The following DYRK1A variants were observed in gnomAD, a reference collection of about 807,000 sequenced individuals.
DYRK1A encodes dual specificity tyrosine-phosphorylation-regulated kinase 1A.
A neutral mutation model predicts 79.7 loss-of-function variants in DYRK1A; 9 were observed. The observed-to-expected ratio is 0.11, with a 90% CI of 0.07 to 0.20. DYRK1A has a LOEUF of 0.20. Among genes scored for constraint, DYRK1A ranks in the 10% least tolerant of loss-of-function variants. The pLI is 1.00. For synonymous variants in DYRK1A, 349 were observed against 329.7 expected, an observed-to-expected ratio of 1.06 and a Z score of -0.63; for missense variants, 622 against 956.0, an observed-to-expected ratio of 0.65 and a Z score of 4.61.
chr21:37,490,671 G>A (rs1269955272), intron 7 of DYRK1A, among the ~76,000 whole-genome samples: 1 of 151,354 alleles, frequency 6.6e-6, no homozygotes, highest in African/African-American at 2.4e-5. Flanking sequence ...GCAATTACAG[G>A]ATGCTTATTT....
At chr21:37,426,505 G>A (rs1414267745) in intron 2 of DYRK1A, among the ~76,000 whole-genome samples, 3 of 151,998 alleles carry the variant, frequency 2.0e-5, no homozygotes, top group Non-Finnish European at 2.9e-5. Flanking sequence ...TCTGAATAAG[G>A]AAAAATCAGA....
At chr21:37,487,646 TA>T (rs1464010038) in intron 6 of DYRK1A, 1 of 152,182 alleles carries the variant, frequency 6.6e-6, no homozygotes, top group Non-Finnish European at 1.5e-5. Flanking sequence ...AAGAAAACGT[TA>T]TGATTCTTTG....
At chr21:37,511,671 A>G (rs1051348184) in intron 11 of DYRK1A, among the ~76,000 whole-genome samples, 2 of 152,200 alleles carry the variant, frequency 1.3e-5, no homozygotes, top group Admixed American at 6.5e-5. Context: ...GGCTAGTGAA[A>G]TAGATGAACC....
intron 3 of DYRK1A, among the ~76,000 whole-genome samples, chr21:37,477,539 C>T (rs1010320133): frequency 1.3e-5 from 2 of 152,108 alleles, no homozygotes; most frequent in African/African-American, 4.8e-5. Context: ...AGGATGCTCA[C>T]GGTGGAACCC....
intron 1 of DYRK1A, among the ~76,000 whole-genome samples, chr21:37,415,722 C>T (rs1428484772): frequency 6.6e-6 from 1 of 152,132 alleles, no homozygotes; most frequent in East Asian, 1.9e-4. Flanking sequence ...CTCCCTCTGC[C>T]TCCCAAAGTT....
chr21:37,481,011 T>C, intron 5 of DYRK1A, 185 bp downstream of exon 5: 1 of 503,396 alleles, frequency 2.0e-6, no homozygotes, highest in Non-Finnish European at 3.4e-6. Context: ...TAATATAAAC[T>C]CCTTAGACTT....
intron 2 of DYRK1A, among the ~76,000 whole-genome samples, chr21:37,428,225 A>G (rs2050681083): frequency 6.6e-6 from 1 of 152,152 alleles, no homozygotes; most frequent in Non-Finnish European, 1.5e-5. Flanking sequence ...TCCAGTTTGC[A>G]TTTGCCTTTT....
rs2053964651 is a variant in DYRK1A, at chr21:37,525,893, C to T, written c.*13362C>T. On this transcript the variant is annotated 3_prime_UTR_variant, in exon 12 of 12. Transcript: ENST00000647188. ...TGAAATTTTTCTGAATGAGAACTGC[C>T]CCGAACCACCGTTACTAAACACTGA... is the stretch of plus-strand genomic sequence containing the variant. The T allele has an allele frequency of 6.6e-6, 1 of 152,094 alleles. No homozygotes were observed. Among genetic ancestry groups the T allele is most frequent in the African/African-American group, 2.4e-5 (1 of 41,402 alleles). 9.4% of individuals were successfully genotyped at this position (152,094 alleles called of 1,614,324 possible). A position where few individuals can be genotyped will look rare whatever the true frequency, so the allele number is the denominator to read the frequency against.
intron 1 of DYRK1A, among the ~76,000 whole-genome samples, chr21:37,370,287 AC>A (rs1413438253): frequency 6.9e-6 from 1 of 145,890 alleles, no homozygotes; most frequent in Non-Finnish European, 1.5e-5. Context: ...TCACTTGAAA[AC>A]CTTTTTTTTT....
intron 2 of DYRK1A, among the ~76,000 whole-genome samples, chr21:37,423,910 G>GT (rs1205247691): frequency 6.6e-6 from 1 of 151,990 alleles, no homozygotes; most frequent in African/African-American, 2.4e-5. Flanking sequence ...AAAACCGTTT[G>GT]TGGCAGAGTT....
At chr21:37,368,049 G>A (rs1386357164) in intron 1 of DYRK1A, 1 of 153,016 alleles carries the variant, frequency 6.5e-6, no homozygotes, top group Non-Finnish European at 1.5e-5. Flanking sequence ...TGATTCGCAA[G>A]GACAATGCAC....
chr21:37,504,557 A>G (rs948052987), intron 9 of DYRK1A: 32 of 152,236 alleles, frequency 2.1e-4, no homozygotes, highest in Admixed American at 2.0e-3. Flanking sequence ...TCTGCATTGT[A>G]ACAGAAGTCA....
chr21:37,454,273 T>G (rs1357237870), intron 2 of DYRK1A, among the ~76,000 whole-genome samples: 1 of 151,942 alleles, frequency 6.6e-6, no homozygotes, highest in Non-Finnish European at 1.5e-5. Flanking sequence ...TTAACGTTTT[T>G]GTAGAGATGG....
chr21:37,512,644 C>T lies in DYRK1A; in HGVS notation c.*113C>T. ...AGGAGGAGATTAACACACTGAACCG[C>T]TACAAGAGGGCAAAGCTGATTTTTT... On this transcript the variant is annotated 3_prime_UTR_variant, in exon 12 of 12. Coordinates refer to ENST00000647188, the MANE Select transcript of DYRK1A (RefSeq NM_001347721.2). 3.1e-6 allele frequency: 4 copies of T among 1,283,686 alleles called. No homozygotes were observed. In the African/African-American group the frequency reaches 6.0e-5, roughly 19 times the overall value. The allele number at this position is 1,283,686 out of a possible 1,614,324, so 79.5% of individuals were successfully genotyped here.
At chr21:37,485,315 A>G (rs1277660670) in intron 5 of DYRK1A, among the ~76,000 whole-genome samples, 1 of 152,198 alleles carries the variant, frequency 6.6e-6, no homozygotes, top group African/African-American at 2.4e-5. Context: ...AAGCAGAAGC[A>G]TATCAGAACC....
At chr21:37,408,905 G>T (rs563129656) in intron 1 of DYRK1A, among the ~76,000 whole-genome samples, 1 of 152,256 alleles carries the variant, frequency 6.6e-6, no homozygotes, top group East Asian at 1.9e-4. Context: ...TCCACTTCAG[G>T]GGCTAGAGGC....
intron 1 of DYRK1A, among the ~76,000 whole-genome samples, chr21:37,403,679 G>A (rs1402412874): frequency 5.4e-5 from 8 of 147,764 alleles, no homozygotes; most frequent in Middle Eastern, 3.5e-3. Flanking sequence ...GTGTGTGTGT[G>A]TGTGTGTGTG....
At chr21:37,401,828 A>G (rs2050059960) in intron 1 of DYRK1A, among the ~76,000 whole-genome samples, 1 of 152,160 alleles carries the variant, frequency 6.6e-6, no homozygotes, top group Admixed American at 6.5e-5. Context: ...TTTTGTAATG[A>G]AAGGTTCTTT....
At chr21:37,451,348 C>T (rs572665643) in intron 2 of DYRK1A, among the ~76,000 whole-genome samples, 2 of 130,872 alleles carry the variant, frequency 1.5e-5, no homozygotes, top group South Asian at 5.2e-4. Flanking sequence ...CTCTTCCTCT[C>T]CGTCCCTCCA....
Sources: allele counts gnomAD v4.1 joint callset (sites outside exome capture counted in the v4.1 genomes callset), GRCh38; gene constraint gnomAD v4.1.1; transcripts MANE v1.5; gene names NCBI Gene and HGNC (gene_info 2026-07-23, HGNC 2026-07-21).